CSMD1: variants seen among roughly 807,000 people sequenced by gnomAD.
CSMD1 encodes the protein CUB and sushi domain-containing protein 1.
Under a neutral mutation model 417.5 loss-of-function variants are expected in CSMD1, and 213 were observed. The ratio of observed to expected loss-of-function variants is 0.51; its 90% confidence interval spans 0.46 to 0.57. The LOEUF is 0.57. Ranked by LOEUF, CSMD1 falls within the 20% of genes least tolerant of loss-of-function variation. The probability of loss-of-function intolerance (pLI) is 0.00; values close to 1 mark genes in which losing one functional copy is unlikely to be tolerated. For synonymous variants in CSMD1, 2,862 were observed against 1,736.8 expected, an observed-to-expected ratio of 1.65 and a Z score of -16.11; for missense variants, 6,923 against 4,529.7, an observed-to-expected ratio of 1.53 and a Z score of -15.17.
chr8:3,444,606 A>T (rs905873839), intron 12 of CSMD1, among the ~76,000 whole-genome samples: 29 of 152,224 alleles, frequency 1.9e-4, no homozygotes, highest in Admixed American at 1.2e-3. Flanking sequence ...TGATGCTCCT[A>T]AAAACCTACA....
chr8:4,464,431 C>T (rs1402875589), intron 2 of CSMD1, among the ~76,000 whole-genome samples: 14 of 152,172 alleles, frequency 9.2e-5, no homozygotes, highest in Admixed American at 8.5e-4. Context: ...CTACCTTAAA[C>T]ACACTCAGAA....
At chr8:3,411,995 TATATACACGTATATATATAC>T (rs1350122977) in intron 12 of CSMD1, among the ~76,000 whole-genome samples, 1 of 71,600 alleles carries the variant, frequency 1.4e-5, no homozygotes, top group African/African-American at 6.3e-5. Flanking sequence ...TATATACGTG[TATATACACGTATATATATAC>T]ATATACACAC....
At chr8:4,056,475 T>G (rs1287977544) in intron 3 of CSMD1, among the ~76,000 whole-genome samples, 1 of 151,952 alleles carries the variant, frequency 6.6e-6, no homozygotes, top group Non-Finnish European at 1.5e-5. Flanking sequence ...ACAAATAGTT[T>G]CCGGGGCTGA....
intron 1 of CSMD1, among the ~76,000 whole-genome samples, chr8:4,893,932 G>T (rs1399478895): frequency 6.6e-6 from 1 of 152,028 alleles, no homozygotes; most frequent in Non-Finnish European, 1.5e-5. Context: ...CAAAATGTTG[G>T]TTTAAATGTT....
chr8:3,367,723 T>C (rs1809689985), intron 19 of CSMD1, among the ~76,000 whole-genome samples: 3 of 152,302 alleles, frequency 2.0e-5, no homozygotes, highest in African/African-American at 7.2e-5. Flanking sequence ...GATGTGGACA[T>C]CAATATTGAG....
At chr8:3,732,935 T>C (rs1026593419) in intron 6 of CSMD1, among the ~76,000 whole-genome samples, 3 of 152,144 alleles carry the variant, frequency 2.0e-5, no homozygotes, top group African/African-American at 7.2e-5. Flanking sequence ...TATTTATCTA[T>C]CCATTATCTA....
At chr8:4,227,006 C>T (rs548791937) in intron 3 of CSMD1, among the ~76,000 whole-genome samples, 16 of 152,220 alleles carry the variant, frequency 1.1e-4, no homozygotes, top group East Asian at 5.8e-4. Context: ...GGGTAAATCC[C>T]GTCATTATCT....
At chr8:4,251,590 A>T (rs1316190259) in intron 3 of CSMD1, among the ~76,000 whole-genome samples, 1 of 152,160 alleles carries the variant, frequency 6.6e-6, no homozygotes, top group Non-Finnish European at 1.5e-5. Context: ...CCCAACCCAA[A>T]AGTAAATGAG....
At chr8:3,890,575 G>T (rs1426146340) in intron 5 of CSMD1, among the ~76,000 whole-genome samples, 1 of 152,062 alleles carries the variant, frequency 6.6e-6, no homozygotes, top group African/African-American at 2.4e-5. Context: ...TAACACATAA[G>T]GTTTTTATGC....
At chr8:3,733,993 C>G (rs188232570) in intron 6 of CSMD1, among the ~76,000 whole-genome samples, 1 of 152,086 alleles carries the variant, frequency 6.6e-6, no homozygotes, top group African/African-American at 2.4e-5. Flanking sequence ...GATGTCTGTA[C>G]GTGTGCAAGG....
intron 1 of CSMD1, among the ~76,000 whole-genome samples, chr8:4,964,956 C>A (rs1434766083): frequency 6.6e-6 from 1 of 152,178 alleles, no homozygotes; most frequent in Non-Finnish European, 1.5e-5. Context: ...TGCATATGTA[C>A]TTGCTACCTA....
At chr8:4,217,016 T>TC (rs553742232) in intron 3 of CSMD1, among the ~76,000 whole-genome samples, 5 of 152,218 alleles carry the variant, frequency 3.3e-5, no homozygotes, top group Non-Finnish European at 5.9e-5. Context: ...GTCTTGTGTC[T>TC]CTTAAAGGAT....
At chr8:3,846,425 C>T (rs1425100649) in intron 5 of CSMD1, among the ~76,000 whole-genome samples, 1 of 152,004 alleles carries the variant, frequency 6.6e-6, no homozygotes, top group Admixed American at 6.6e-5. Context: ...TTTGATTAGC[C>T]CCAACTGATC....
intron 1 of CSMD1, among the ~76,000 whole-genome samples, chr8:4,819,376 T>G (rs1417697550): frequency 1.3e-5 from 2 of 152,160 alleles, no homozygotes; most frequent in Non-Finnish European, 2.9e-5. Flanking sequence ...GAAATAGGCC[T>G]CTCAAATTTG....
At chr8:4,819,917 A>T (rs1251045250) in intron 1 of CSMD1, among the ~76,000 whole-genome samples, 1 of 152,198 alleles carries the variant, frequency 6.6e-6, no homozygotes, top group African/African-American at 2.4e-5. Flanking sequence ...AGAACCATTT[A>T]TGTTATCATA....
In CSMD1 at chr8:4,752,553, G is replaced by C. The variant is rs563999651; in HGVS notation, c.86-114995C>G. On this transcript the variant is annotated intron_variant, in intron 1 of 69. Coordinates refer to ENST00000635120, the MANE Select transcript of CSMD1 (RefSeq NM_033225.6). ...ACTCAAAGTTAAAACTCTGTACCCA[G>C]ATGCACAGAGTGAAAACGAAGTGAA... Among the ~76,000 whole-genome samples, 5 of 152,252 alleles carry C rather than the reference G, an allele frequency of 3.3e-5. No homozygotes were observed. In the South Asian group the frequency reaches 1.0e-3, roughly 32 times the overall value.
intron 1 of CSMD1, among the ~76,000 whole-genome samples, chr8:4,703,268 G>C (rs993171329): frequency 6.6e-6 from 1 of 152,128 alleles, no homozygotes; most frequent in Non-Finnish European, 1.5e-5. Flanking sequence ...GGAAGTGTGT[G>C]GAAAAATTAG....
chr8:3,839,811 G>C (rs938359210), intron 5 of CSMD1, among the ~76,000 whole-genome samples: 5 of 151,736 alleles, frequency 3.3e-5, no homozygotes, highest in Non-Finnish European at 7.4e-5. Flanking sequence ...CCAAACTAGA[G>C]ACCAAAGTGC....
chr8:3,328,621 G>A (rs977170314), intron 23 of CSMD1, among the ~76,000 whole-genome samples: 1 of 152,136 alleles, frequency 6.6e-6, no homozygotes, highest in African/African-American at 2.4e-5. Context: ...ATGTGTCTGA[G>A]GGTTCAGAAA....
Sources: allele counts gnomAD v4.1 joint callset (sites outside exome capture counted in the v4.1 genomes callset), GRCh38; gene constraint gnomAD v4.1.1; transcripts MANE v1.5; gene names NCBI Gene and HGNC (gene_info 2026-07-23, HGNC 2026-07-21).